TRAPPC9: variants seen among roughly 807,000 people sequenced by gnomAD.
The protein encoded by TRAPPC9 is trafficking protein particle complex subunit 9.
In TRAPPC9, 83 loss-of-function variants were observed where a neutral mutation model predicts 124.0. The ratio of observed to expected loss-of-function variants is 0.67; its 90% CI spans 0.56 to 0.80. The LOEUF (loss-of-function observed/expected upper bound fraction) is 0.80, where lower values mean the gene tolerates loss of function less well. Among genes scored for constraint, TRAPPC9 ranks in the 30% least tolerant of loss-of-function variants. The pLI, the probability that TRAPPC9 is intolerant of heterozygous loss-of-function variation, is 0.00. For missense variants in TRAPPC9, 1,302 were observed against 1,508.3 expected, an observed-to-expected ratio of 0.86 and a Z score of 2.27; for synonymous variants, 638 against 617.5, an observed-to-expected ratio of 1.03 and a Z score of -0.49.
chr8:140,073,493 A>G (rs913954823), intron 17 of TRAPPC9, among the ~76,000 whole-genome samples: 5 of 152,224 alleles, frequency 3.3e-5, no homozygotes, highest in African/African-American at 1.2e-4. Flanking sequence ...ACTCTAAACT[A>G]GGCAAAGGCA....
chr8:139,919,723 T>G (rs574914560), intron 19 of TRAPPC9, among the ~76,000 whole-genome samples: 1 of 152,322 alleles, frequency 6.6e-6, no homozygotes, highest in South Asian at 2.1e-4. Context: ...CATCCTTACC[T>G]TGGTTGTGTC....
In TRAPPC9 at chr8:140,087,616, T is replaced by C. The variant is rs1844281757; in HGVS notation, c.2557-63537A>G. Among the ~76,000 whole-genome samples, 1 of 152,190 alleles carries C rather than the reference T, an allele frequency of 6.6e-6. No individual in the cohort carries two copies. The highest frequency in any genetic ancestry group is 1.5e-5 in the Non-Finnish European group (1 of 68,046). Reference sequence around the variant, plus strand: ...AAAGACACCCTTGCTTATTCTTCAGTGCATCTAAGGTCTGACCACTGTCGC... The same window carrying C: ...AAAGACACCCTTGCTTATTCTTCAGCGCATCTAAGGTCTGACCACTGTCGC... On this transcript the variant is annotated intron_variant, in intron 17 of 22. Coordinates refer to ENST00000438773, the MANE Select transcript of TRAPPC9 (RefSeq NM_001160372.4). The surrounding 1 kb of genome is among the most constrained non-coding windows in gnomAD (Gnocchi z 4.6).
chr8:140,029,596 G>A (rs1012695810), intron 17 of TRAPPC9, among the ~76,000 whole-genome samples: 8 of 151,334 alleles, frequency 5.3e-5, no homozygotes, highest in African/African-American at 1.7e-4. Flanking sequence ...CATACATTGT[G>A]CACATGTACC....
At chr8:140,011,137 C>G (rs1168922104) in intron 18 of TRAPPC9, among the ~76,000 whole-genome samples, 1 of 151,990 alleles carries the variant, frequency 6.6e-6, no homozygotes, top group Non-Finnish European at 1.5e-5. Context: ...GTCAGGAGTT[C>G]AAGACCGGCC....
At chr8:140,015,335 G>A (rs1839395536) in intron 18 of TRAPPC9, among the ~76,000 whole-genome samples, 1 of 152,156 alleles carries the variant, frequency 6.6e-6, no homozygotes, top group African/African-American at 2.4e-5. Context: ...CCATCTCTGG[G>A]GATGCATATA....
intron 17 of TRAPPC9, among the ~76,000 whole-genome samples, chr8:140,136,672 T>C (rs2061309811): frequency 6.6e-6 from 1 of 152,176 alleles, no homozygotes; most frequent in Admixed American, 6.5e-5. Flanking sequence ...ACCTTATCTC[T>C]ACTAAAAATA....
intron 9 of TRAPPC9, among the ~76,000 whole-genome samples, chr8:140,334,649 CTAAATAAATAAATAAA>C (rs61689098): frequency 7.5e-5 from 11 of 146,038 alleles, no homozygotes; most frequent in South Asian, 4.4e-4. Flanking sequence ...GACTCTGTCA[CTAAATAAATAAATAAA>C]TAAATAAATA....
intron 17 of TRAPPC9, among the ~76,000 whole-genome samples, chr8:140,209,005 AG>A (rs2062993463): frequency 6.6e-6 from 1 of 152,150 alleles, no homozygotes; most frequent in Admixed American, 6.5e-5. Flanking sequence ...GTGTATACCA[AG>A]GGGAGACCAT....
At chr8:139,999,192 A>C (rs1380840341) in intron 18 of TRAPPC9, among the ~76,000 whole-genome samples, 1 of 152,080 alleles carries the variant, frequency 6.6e-6, no homozygotes, top group Non-Finnish European at 1.5e-5. Context: ...GAATACGTTT[A>C]AACAAAAAAA....
chr8:140,322,643 C>T (rs559576967), intron 9 of TRAPPC9, among the ~76,000 whole-genome samples: 6 of 150,480 alleles, frequency 4.0e-5, no homozygotes, highest in South Asian at 2.1e-4. Context: ...ACCTGGGCAA[C>T]GTAGCAAGAC....
At chr8:140,092,067 C>T (rs1240378033) in intron 17 of TRAPPC9, among the ~76,000 whole-genome samples, 1 of 135,000 alleles carries the variant, frequency 7.4e-6, no homozygotes, top group Non-Finnish European at 1.5e-5. Context: ...AGCCAATTTC[C>T]AAGCACTCCA....
At chr8:140,296,410 G>A (rs554361045) in intron 11 of TRAPPC9, among the ~76,000 whole-genome samples, 1 of 152,270 alleles carries the variant, frequency 6.6e-6, no homozygotes, top group Admixed American at 6.5e-5. Flanking sequence ...GACCACAGGT[G>A]CCCGCCACCA....
chr8:139,853,008 G>A (rs775837807), intron 21 of TRAPPC9, among the ~76,000 whole-genome samples: 10 of 152,170 alleles, frequency 6.6e-5, no homozygotes, highest in Admixed American at 2.6e-4. Flanking sequence ...TTCGTCATTC[G>A]CAAAGGTTCT....
chr8:140,243,984 A>G (rs2063921606), intron 16 of TRAPPC9, among the ~76,000 whole-genome samples: 1 of 152,328 alleles, frequency 6.6e-6, no homozygotes, highest in East Asian at 1.9e-4. Flanking sequence ...TTCTCACAGG[A>G]GTGCAAACTC....
intron 19 of TRAPPC9, among the ~76,000 whole-genome samples, chr8:139,953,761 A>G (rs994540783): frequency 2.6e-5 from 4 of 152,234 alleles, no homozygotes; most frequent in African/African-American, 9.6e-5. Flanking sequence ...CACATACTTC[A>G]CCAACAAAAT....
chr8:140,150,308 G>C (rs764363544), intron 17 of TRAPPC9, among the ~76,000 whole-genome samples: 1 of 152,132 alleles, frequency 6.6e-6, no homozygotes, highest in African/African-American at 2.4e-5. Context: ...CATTAGCCAG[G>C]TGTGGTGGCA....
intron 9 of TRAPPC9, among the ~76,000 whole-genome samples, chr8:140,314,523 C>T (rs999478839): frequency 1.3e-5 from 2 of 152,150 alleles, no homozygotes; most frequent in African/African-American, 2.4e-5. Flanking sequence ...GTCACCCAAC[C>T]GTGCATTAGA....
chr8:139,862,808 C>T (rs1828254809), intron 21 of TRAPPC9, among the ~76,000 whole-genome samples: 3 of 152,220 alleles, frequency 2.0e-5, no homozygotes, highest in African/African-American at 4.8e-5. Flanking sequence ...CGCCCTGGTC[C>T]GGCCCCACAT....
intron 17 of TRAPPC9, among the ~76,000 whole-genome samples, chr8:140,028,537 C>T (rs7011760): frequency 0.061 from 9,264 of 152,300 alleles, 357 homozygotes; most frequent in Non-Finnish European, 0.081. Context: ...GCAGCACAGG[C>T]AGGAACTGAA....
Sources: gnomAD v4.1 joint callset for allele counts (sites outside exome capture counted in the v4.1 genomes callset) on GRCh38, gnomAD v4.1.1 for gene constraint, Gnocchi (gnomAD v3.1) non-coding constraint, MANE v1.5 for transcripts, NCBI Gene and HGNC (gene_info 2026-07-23, HGNC 2026-07-21) for gene names.